Variants in FAM200C observed in about 807,000 individuals in gnomAD.
the FAM200C span, chr5:160,399,981 G>A: frequency 6.6e-6 from 1 of 152,318 alleles, no homozygotes; most frequent in Admixed American, 6.5e-5. Context: ...GCAGGAATCT[G>A]CGGTGCGCCT....
chr5:160,396,866 AAC>A, the FAM200C span, among the ~76,000 whole-genome samples: 2 of 152,212 alleles, frequency 1.3e-5, no homozygotes. Context: ...AGCAGTCAAG[AAC>A]ACACACATGC....
At chr5:160,395,703 T>C in the FAM200C span, among the ~76,000 whole-genome samples, 7 of 152,316 alleles carry the variant, frequency 4.6e-5, no homozygotes, top group Admixed American at 1.3e-4. Context: ...TAGCAACTCA[T>C]AGCTAATGCC....
the FAM200C span, chr5:160,395,563 C>T: frequency 3.2e-6 from 4 of 1,242,766 alleles, no homozygotes; most frequent in African/African-American, 3.0e-5. Flanking sequence ...ATATAACCCA[C>T]ACATTAAAAA....
At chr5:160,395,237 G>A in the FAM200C span, 1 of 1,613,936 alleles carries the variant, frequency 6.2e-7, no homozygotes, top group African/African-American at 1.3e-5. Flanking sequence ...CTCATGAGAT[G>A]CAACTCCAAA....
chr5:160,394,865 G>A, the FAM200C span: 1 of 1,613,024 alleles, frequency 6.2e-7, no homozygotes, highest in Admixed American at 1.7e-5. Context: ...TAGCTGCAAT[G>A]GTTCACAGAA....
chr5:160,397,837 T>A, the FAM200C span, among the ~76,000 whole-genome samples: 2 of 152,248 alleles, frequency 1.3e-5, no homozygotes, highest in African/African-American at 4.8e-5. Flanking sequence ...GATAAAATTA[T>A]GACATTACCA....
the FAM200C span, among the ~76,000 whole-genome samples, chr5:160,398,520 G>A: frequency 0.062 from 9,496 of 152,236 alleles, 402 homozygotes; most frequent in Middle Eastern, 0.14. Context: ...ACTGGGTGAC[G>A]GAGTGAGACT....
At chr5:160,394,777 G>A in the FAM200C span, 21 of 1,613,908 alleles carry the variant, frequency 1.3e-5, no homozygotes, top group Non-Finnish European at 1.8e-5. Flanking sequence ...TACAAACAGA[G>A]CCACATACAT....
At chr5:160,394,033 A>T in the FAM200C span, 24 of 1,611,846 alleles carry the variant, frequency 1.5e-5, no homozygotes, top group South Asian at 2.2e-4. Context: ...AATAACTATC[A>T]TCAACAAAAT....
At chr5:160,394,464 T>A in the FAM200C span, 1 of 1,613,976 alleles carries the variant, frequency 6.2e-7, no homozygotes, top group African/African-American at 1.3e-5. Context: ...ATTTCAAAAA[T>A]GTGAGTAAGT....
At chr5:160,397,346 A>G in the FAM200C span, 3 of 152,234 alleles carry the variant, frequency 2.0e-5, no homozygotes, top group African/African-American at 4.8e-5. Context: ...ACAGCCTCCT[A>G]TGAAAGTTGA....
chr5:160,399,329 G>T, the FAM200C span, among the ~76,000 whole-genome samples: 56 of 152,240 alleles, frequency 3.7e-4, no homozygotes, highest in African/African-American at 1.2e-3. Flanking sequence ...TTTAGGGAAT[G>T]CTAATATATA....
At chr5:160,398,080 A>G in the FAM200C span, among the ~76,000 whole-genome samples, 1 of 152,170 alleles carries the variant, frequency 6.6e-6, no homozygotes, top group Non-Finnish European at 1.5e-5. Flanking sequence ...TGTCTCTACT[A>G]AAAATACAAA....
At chr5:160,396,922 A>G in the FAM200C span, among the ~76,000 whole-genome samples, 3 of 152,204 alleles carry the variant, frequency 2.0e-5, no homozygotes, top group African/African-American at 7.2e-5. Flanking sequence ...GGTTTAACCC[A>G]AAGACAGGAT....
the FAM200C span, chr5:160,394,120 G>GT: frequency 6.2e-7 from 1 of 1,613,640 alleles, no homozygotes; most frequent in Non-Finnish European, 8.5e-7. Context: ...ATCCATGGAA[G>GT]AAGTTGCTCA....
chr5:160,396,698 G>GAAA, the FAM200C span, among the ~76,000 whole-genome samples: 1 of 48,330 alleles, frequency 2.1e-5, no homozygotes, highest in South Asian at 7.4e-4. Context: ...AGTCTCTGTG[G>GAAA]AAAAAAAAAA....
chr5:160,396,766 G>A, the FAM200C span, among the ~76,000 whole-genome samples: 2 of 147,714 alleles, frequency 1.4e-5, no homozygotes, highest in Non-Finnish European at 3.0e-5. Flanking sequence ...TTGTTACCGA[G>A]ACTTCAGAAA....
the FAM200C span, chr5:160,393,642 G>T: frequency 8.3e-7 from 1 of 1,203,182 alleles, no homozygotes; most frequent in Non-Finnish European, 1.2e-6. Flanking sequence ...GAAAGAGACA[G>T]AATTACAGCT....
chr5:160,395,062 A>G, the FAM200C span: 2 of 1,614,096 alleles, frequency 1.2e-6, no homozygotes, highest in South Asian at 2.2e-5. Context: ...GGATCACATC[A>G]TCTGATAAGG....
Sources: gnomAD v4.1 joint callset for allele counts (sites outside exome capture counted in the v4.1 genomes callset) on GRCh38, gnomAD v4.1.1 for gene constraint, MANE v1.5 for transcripts.